Variants in TNIK observed in about 807,000 individuals in gnomAD.
TNIK encodes the protein TRAF2 and NCK interacting kinase.
Under a neutral mutation model 191.3 loss-of-function variants are expected in TNIK, and 49 were observed. That is an observed-to-expected ratio of 0.26 (90% CI 0.20 to 0.32). The LOEUF (loss-of-function observed/expected upper bound fraction) is 0.32, where lower values mean the gene tolerates loss of function less well. Among genes scored for constraint, TNIK ranks in the 10% least tolerant of loss-of-function variants. The probability of loss-of-function intolerance (pLI) is 1.00; values close to 1 mark genes in which losing one functional copy is unlikely to be tolerated. For synonymous variants in TNIK, 594 were observed against 600.9 expected, an observed-to-expected ratio of 0.99 and a Z score of 0.17; for missense variants, 1,155 against 1,702.3, an observed-to-expected ratio of 0.68 and a Z score of 5.66.
chr3:171,337,567 A>T (rs1367147947), intron 2 of TNIK, among the ~76,000 whole-genome samples: 1 of 152,178 alleles, frequency 6.6e-6, no homozygotes, highest in Non-Finnish European at 1.5e-5. Flanking sequence ...CTTTCCATGA[A>T]ACTTCTGCTC....
At chr3:171,107,526 A>AC (rs1678889129) in intron 20 of TNIK, among the ~76,000 whole-genome samples, 1 of 152,084 alleles carries the variant, frequency 6.6e-6, no homozygotes, top group Admixed American at 6.5e-5. Context: ...TAGCCTCCAT[A>AC]CTCCTCTTTA....
intron 1 of TNIK, among the ~76,000 whole-genome samples, chr3:171,454,090 A>C (rs952884172): frequency 6.6e-6 from 1 of 152,248 alleles, no homozygotes; most frequent in Non-Finnish European, 1.5e-5. Context: ...CCCTGTTCTC[A>C]GAGAGCTACT....
chr3:171,103,434 G>C (rs924379815), intron 21 of TNIK, among the ~76,000 whole-genome samples: 2 of 151,930 alleles, frequency 1.3e-5, no homozygotes, highest in Non-Finnish European at 2.9e-5. Flanking sequence ...TTTCCTCCTG[G>C]CAATTGTCAA....
chr3:171,264,584 G>T (rs1748148898), intron 2 of TNIK, among the ~76,000 whole-genome samples: 1 of 152,138 alleles, frequency 6.6e-6, no homozygotes, highest in Non-Finnish European at 1.5e-5. Flanking sequence ...GTACTTGGGA[G>T]CAGTGTGAAA....
intron 1 of TNIK, among the ~76,000 whole-genome samples, chr3:171,374,159 G>A (rs1237907433): frequency 6.6e-6 from 1 of 152,152 alleles, no homozygotes; most frequent in African/African-American, 2.4e-5. Context: ...AGAGCCAAAG[G>A]TCTAGCAAAC....
intron 1 of TNIK, among the ~76,000 whole-genome samples, chr3:171,416,377 G>T (rs1723094557): frequency 6.6e-6 from 1 of 151,968 alleles, no homozygotes; most frequent in Non-Finnish European, 1.5e-5. Context: ...CATTCTACGA[G>T]ACAACTGGAC....
At chr3:171,266,527 T>C (rs1748424686) in intron 2 of TNIK, among the ~76,000 whole-genome samples, 1 of 152,136 alleles carries the variant, frequency 6.6e-6, no homozygotes, top group South Asian at 2.1e-4. Context: ...ACTGGGCTCC[T>C]CTTTATGCAT....
intron 1 of TNIK, 113 bp from the exon 2 acceptor site, chr3:171,369,798 G>A (rs1716248216): frequency 2.5e-6 from 2 of 786,662 alleles, no homozygotes; most frequent in Non-Finnish European, 3.9e-6. Flanking sequence ...TTAGCTTCAG[G>A]GGCTCTCATG....
chr3:171,141,608 G>T (rs1040763386), intron 12 of TNIK, among the ~76,000 whole-genome samples: 1 of 152,204 alleles, frequency 6.6e-6, no homozygotes, highest in South Asian at 2.1e-4. Context: ...TGGTTCTGAT[G>T]ACTGAGGAGC....
At position 171,306,517 on chromosome 3, in the gene TNIK, G is replaced by A. The variant is rs57267184; in HGVS notation, c.123+63103C>T. On this transcript the variant is annotated intron_variant, in intron 2 of 32. Transcript: ENST00000436636. ...AAGGCAGGTTATAGATGCCAGCTGC[G>A]CTTCTCAGGGCATGCAAAATGACTT... 8.0e-4 allele frequency among the ~76,000 whole-genome samples: 121 copies of A among 152,200 alleles called. 1 individual carries two copies. The South Asian group carries it at 0.021, about 27-fold the overall frequency.
At chr3:171,306,435 A>T (rs1302763632) in intron 2 of TNIK, among the ~76,000 whole-genome samples, 1 of 152,194 alleles carries the variant, frequency 6.6e-6, no homozygotes, top group East Asian at 1.9e-4. Flanking sequence ...CTCTTTCACC[A>T]ACTTTGCATC....
chr3:171,179,525 C>T (rs1197081773), intron 7 of TNIK, among the ~76,000 whole-genome samples: 2 of 152,038 alleles, frequency 1.3e-5, no homozygotes, highest in Non-Finnish European at 2.9e-5. Flanking sequence ...AATCTTGGCT[C>T]ACTGCAAGCT....
intron 2 of TNIK, among the ~76,000 whole-genome samples, chr3:171,281,722 C>T (rs1399922316): frequency 6.6e-6 from 1 of 152,186 alleles, no homozygotes; most frequent in African/African-American, 2.4e-5. Flanking sequence ...AAACAAGTCA[C>T]ACAGTCCCAA....
intron 1 of TNIK, among the ~76,000 whole-genome samples, chr3:171,437,353 G>C (rs899776547): frequency 3.3e-5 from 5 of 152,184 alleles, no homozygotes; most frequent in African/African-American, 1.2e-4. Flanking sequence ...CCATTTAACT[G>C]TCATGGGCCT....
Position 171,330,136 on chromosome 3 carries a change from C to T in TNIK, c.123+39484G>A, listed in dbSNP as rs147195483. ...AAAATTCTGAATGATCTTCTTCCTT[C>T]GATAGACCTAGGTATAGGCTCTGTG... is the stretch of plus-strand genomic sequence containing the variant. On this transcript the variant is annotated intron_variant, in intron 2 of 32. Transcript: ENST00000436636. Among the ~76,000 whole-genome samples, 519 of 152,320 alleles carry T rather than the reference C, an allele frequency of 3.4e-3. 2 individuals carry two copies. Among genetic ancestry groups the T allele is most frequent in the Non-Finnish European group, 5.8e-3 (394 of 68,026 alleles).
intron 22 of TNIK, among the ~76,000 whole-genome samples, chr3:171,095,686 G>A (rs756917258): frequency 2.6e-5 from 4 of 152,102 alleles, no homozygotes; most frequent in Non-Finnish European, 4.4e-5. Flanking sequence ...ATATTTCAAG[G>A]ATTTTTATCC....
rs74853157 is a variant in TNIK at position 171,097,995 on chromosome 3, G to A, written c.2591+3454C>T. Among the ~76,000 whole-genome samples the A allele has an allele frequency of 8.5e-3, 1,298 of 152,278 alleles. 30 individuals carry two copies. Among genetic ancestry groups the A allele is most frequent in the Admixed American group, 0.046 (708 of 15,286 alleles). ...TGATGGAATAAATTAATAAATAGAGGAGACAAATCTGTGCAGAAGAATTCT... is the reference window on the plus strand; with the variant it reads ...TGATGGAATAAATTAATAAATAGAGAAGACAAATCTGTGCAGAAGAATTCT... On this transcript the variant is annotated intron_variant, in intron 22 of 32. Transcript: ENST00000436636.
At chr3:171,230,483 G>A (rs930686449) in intron 2 of TNIK, among the ~76,000 whole-genome samples, 5 of 152,200 alleles carry the variant, frequency 3.3e-5, no homozygotes, top group South Asian at 2.1e-4. Context: ...CACTGGGCAC[G>A]GCTTGCAGGG....
intron 2 of TNIK, among the ~76,000 whole-genome samples, chr3:171,341,870 C>A (rs1177285563): frequency 2.6e-5 from 4 of 152,164 alleles, no homozygotes; most frequent in Admixed American, 1.3e-4. Flanking sequence ...CTGAAGTTGG[C>A]AGAGCTATTG....
Sources: gnomAD v4.1 joint callset for allele counts (sites outside exome capture counted in the v4.1 genomes callset) on GRCh38, gnomAD v4.1.1 for gene constraint, MANE v1.5 for transcripts, NCBI Gene and HGNC (gene_info 2026-07-23, HGNC 2026-07-21) for gene names.